Variants in FGF12 observed in about 807,000 individuals in gnomAD.
The protein encoded by FGF12 is fibroblast growth factor 12, also known as fibroblast growth factor 12B.
Under a neutral mutation model 23.6 loss-of-function variants are expected in FGF12, and 14 were observed. The observed-to-expected ratio is 0.59, with a 90% CI of 0.39 to 0.93. The LOEUF (loss-of-function observed/expected upper bound fraction) is 0.93, where lower values mean the gene tolerates loss of function less well. Ranked by LOEUF, FGF12 falls within the 40% of genes least tolerant of loss-of-function variation. The pLI is 0.00. For synonymous variants in FGF12, 62 were observed against 77.3 expected (o/e 0.80, Z 1.04); for missense variants, 175 against 217.8 (o/e 0.80, Z 1.24).
intron 4 of FGF12, among the ~76,000 whole-genome samples, chr3:192,333,625 C>A (rs79360841): frequency 0.011 from 1,704 of 151,968 alleles, 25 homozygotes; most frequent in East Asian, 0.049. Flanking sequence ...ATATTTTGAT[C>A]TGAATATTTT....
rs114979899 is a variant in FGF12 at position 192,682,829 on chromosome 3, G to A, written c.13+44352C>T. ...GGTCAGAAGGAGAGGGAAGTTGTAGGTTGACTTCGTTCATGTGGCCAATGA... is the reference window on the plus strand; with the variant it reads ...GGTCAGAAGGAGAGGGAAGTTGTAGATTGACTTCGTTCATGTGGCCAATGA... On this transcript the variant is annotated intron_variant, in intron 2 of 5. Transcript: ENST00000445105. 3.2e-3 allele frequency among the ~76,000 whole-genome samples: 486 copies of A among 152,266 alleles called. 3 individuals carry two copies. The highest frequency in any genetic ancestry group is 5.3e-3 in the Admixed American group (81 of 15,304).
intron 5 of FGF12, among the ~76,000 whole-genome samples, chr3:192,151,031 C>A (rs1714026125): frequency 6.8e-6 from 1 of 147,316 alleles, no homozygotes; most frequent in African/African-American, 2.5e-5. Flanking sequence ...AGGTCCTTCA[C>A]ACCCCTTGTA....
intron 2 of FGF12, among the ~76,000 whole-genome samples, chr3:192,469,170 G>T (rs1320413807): frequency 6.6e-6 from 1 of 152,080 alleles, no homozygotes; most frequent in African/African-American, 2.4e-5. Context: ...CCCTTCCCCA[G>T]CGCTGCAATC....
chr3:192,211,350 T>C (rs1717918167), intron 4 of FGF12, among the ~76,000 whole-genome samples: 1 of 152,156 alleles, frequency 6.6e-6, no homozygotes, highest in Non-Finnish European at 1.5e-5. Flanking sequence ...GGATGGAGCA[T>C]AGTAGAAGAG....
intron 4 of FGF12, 145 bp from the exon 5 acceptor site, chr3:192,170,801 G>T: frequency 1.4e-6 from 1 of 701,782 alleles, no homozygotes; most frequent in South Asian, 2.0e-5. Flanking sequence ...TTAGCCTTTG[G>T]TTACAAAGAT....
chr3:192,726,423 A>G (rs1347578493), intron 2 of FGF12, among the ~76,000 whole-genome samples: 5 of 152,232 alleles, frequency 3.3e-5, no homozygotes, highest in African/African-American at 1.2e-4. Context: ...TCCAAAAGAT[A>G]TCTAATCTTG....
chr3:192,686,815 A>AT (rs57045697), intron 2 of FGF12, among the ~76,000 whole-genome samples: 1,314 of 61,520 alleles, frequency 0.021, 181 homozygotes, highest in African/African-American at 0.043. Flanking sequence ...TTTTTCTCTA[A>AT]TTTTTTTTTT....
chr3:192,674,954 A>C (rs754561397), intron 2 of FGF12, among the ~76,000 whole-genome samples: 20 of 152,238 alleles, frequency 1.3e-4, no homozygotes, highest in Non-Finnish European at 2.2e-4. Flanking sequence ...TAAGCTTTGC[A>C]GCCTTTCCAT....
At chr3:192,566,102 A>T (rs888048441) in intron 2 of FGF12, among the ~76,000 whole-genome samples, 7 of 152,182 alleles carry the variant, frequency 4.6e-5, no homozygotes, top group Non-Finnish European at 1.0e-4. Flanking sequence ...AGCAAGAGAG[A>T]GGCATGACTG....
chr3:192,556,433 T>G (rs1314493244), intron 2 of FGF12, among the ~76,000 whole-genome samples: 1 of 152,146 alleles, frequency 6.6e-6, no homozygotes, highest in Non-Finnish European at 1.5e-5. Context: ...AGAAGGACAT[T>G]ATATAATGAT....
intron 2 of FGF12, among the ~76,000 whole-genome samples, chr3:192,616,933 G>A (rs79765420): frequency 0.014 from 2,082 of 152,146 alleles, 26 homozygotes; most frequent in South Asian, 0.043. Flanking sequence ...GTGCAGAAAT[G>A]AGAAAGTTTG....
intron 3 of FGF12, among the ~76,000 whole-genome samples, chr3:192,358,126 C>T (rs1677681188): frequency 6.6e-6 from 1 of 151,400 alleles, no homozygotes; most frequent in African/African-American, 2.4e-5. Context: ...ATATGCAAAA[C>T]AATATTATGA....
chr3:192,174,451 T>C (rs990277106), intron 4 of FGF12, among the ~76,000 whole-genome samples: 5 of 152,140 alleles, frequency 3.3e-5, no homozygotes, highest in African/African-American at 1.2e-4. Flanking sequence ...AGAGTCAGAA[T>C]CTGAAAATGA....
chr3:192,666,917 T>TAGATAGATAGATA (rs137939210), intron 2 of FGF12, among the ~76,000 whole-genome samples: 1 of 147,520 alleles, frequency 6.8e-6, no homozygotes, highest in African/African-American at 2.6e-5. Flanking sequence ...GATAGATAGA[T>TAGATAGATAGATA]GATAGATAGA....
intron 2 of FGF12, among the ~76,000 whole-genome samples, chr3:192,704,371 A>G (rs1322654967): frequency 1.3e-5 from 2 of 152,146 alleles, no homozygotes; most frequent in African/African-American, 2.4e-5. Flanking sequence ...ATCTCCTTGT[A>G]TTTCTCCATG....
intron 2 of FGF12, among the ~76,000 whole-genome samples, chr3:192,554,513 T>C (rs990278639): frequency 1.3e-5 from 2 of 152,212 alleles, no homozygotes; most frequent in Non-Finnish European, 2.9e-5. Flanking sequence ...GAGGCATCCA[T>C]AGGAAAAGTT....
intron 2 of FGF12, among the ~76,000 whole-genome samples, chr3:192,583,802 T>G (rs1413434495): frequency 6.6e-6 from 1 of 152,234 alleles, no homozygotes; most frequent in Non-Finnish European, 1.5e-5. Context: ...GACTTTCAAT[T>G]TAGCTTGTTT....
intron 2 of FGF12, among the ~76,000 whole-genome samples, chr3:192,436,613 G>A (rs745385535): frequency 5.8e-4 from 88 of 152,330 alleles, no homozygotes; most frequent in Non-Finnish European, 6.9e-4. Context: ...TTTCTAAGGT[G>A]TATCCAGGCT....
chr3:192,168,763 A>C (rs931070014), intron 5 of FGF12, among the ~76,000 whole-genome samples: 1 of 152,222 alleles, frequency 6.6e-6, no homozygotes, highest in Non-Finnish European at 1.5e-5. Context: ...ATATGAAGAA[A>C]AATAAAACAT....
Sources: gnomAD v4.1 joint callset for allele counts (sites outside exome capture counted in the v4.1 genomes callset) on GRCh38, gnomAD v4.1.1 for gene constraint, MANE v1.5 for transcripts, NCBI Gene and HGNC (gene_info 2026-07-23, HGNC 2026-07-21) for gene names.